DLG2: variants seen among roughly 807,000 people sequenced by gnomAD.
DLG2 encodes discs large MAGUK scaffold protein 2.
A neutral mutation model predicts 132.5 loss-of-function variants in DLG2; 45 were observed. The observed-to-expected ratio is 0.34, with a 90% CI of 0.27 to 0.44. DLG2 has a LOEUF of 0.44. DLG2 is among the 20% of genes least tolerant of loss of function. The pLI is 1.00. For synonymous variants in DLG2, 424 were observed against 419.6 expected (o/e 1.01, Z -0.13); for missense variants, 1,045 against 1,196.9 (o/e 0.87, Z 1.87).
At chr11:85,537,757 G>A (rs2075693813) in intron 3 of DLG2, among the ~76,000 whole-genome samples, 1 of 151,914 alleles carries the variant, frequency 6.6e-6, no homozygotes, top group Non-Finnish European at 1.5e-5. Context: ...AACCCACCAG[G>A]AGGAAGAAAC....
intron 4 of DLG2, among the ~76,000 whole-genome samples, chr11:85,208,567 T>C (rs888516077): frequency 6.6e-6 from 1 of 152,144 alleles, no homozygotes; most frequent in African/African-American, 2.4e-5. Flanking sequence ...GCCAGTCTTA[T>C]TATGTGTTCT....
intron 7 of DLG2, among the ~76,000 whole-genome samples, chr11:84,366,276 C>T (rs1391354869): frequency 6.6e-6 from 1 of 151,902 alleles, no homozygotes; most frequent in Non-Finnish European, 1.5e-5. Flanking sequence ...GAGATTTTGT[C>T]ACCACCAGGC....
intron 5 of DLG2, among the ~76,000 whole-genome samples, chr11:85,144,769 A>G (rs2076734809): frequency 6.6e-6 from 1 of 151,850 alleles, no homozygotes; most frequent in Non-Finnish European, 1.5e-5. Flanking sequence ...ATATATTTTT[A>G]TACTATCTAT....
At position 83,729,483 on chromosome 11, in the gene DLG2, A is replaced by C. The variant is rs1411801573; in HGVS notation, c.1825+57207T>G. ...GGTTAATCAAGTCTAATAATACAGG[A>C]ATTACTCTTCCTCAGCTGGGTACTT... is the stretch of plus-strand genomic sequence containing the variant. On this transcript the variant is annotated intron_variant, in intron 18 of 27. Transcript: ENST00000376104. Among the ~76,000 whole-genome samples, 6 of 152,226 alleles carry C rather than the reference A, an allele frequency of 3.9e-5. 1 individual carries two copies. Among genetic ancestry groups the C allele is most frequent in the Non-Finnish European group, 8.8e-5 (6 of 68,040 alleles).
chr11:84,489,740 C>T (rs761556282), intron 7 of DLG2, among the ~76,000 whole-genome samples: 4 of 152,050 alleles, frequency 2.6e-5, no homozygotes, highest in Non-Finnish European at 4.4e-5. Flanking sequence ...TGCAACATGA[C>T]CTTTAATGTT....
intron 6 of DLG2, chr11:84,545,181 G>C: frequency 2.2e-6 from 1 of 455,624 alleles, no homozygotes; most frequent in Non-Finnish European, 4.3e-6. Context: ...AACCACGAGA[G>C]CCTCCTTGGT....
intron 4 of DLG2, among the ~76,000 whole-genome samples, chr11:85,221,244 G>A (rs988372867): frequency 1.3e-5 from 2 of 151,766 alleles, no homozygotes; most frequent in East Asian, 1.9e-4. Flanking sequence ...GGGTTTCACC[G>A]CCAGGATGGT....
At chr11:84,067,554 C>A (rs994727263) in intron 10 of DLG2, among the ~76,000 whole-genome samples, 2 of 72,658 alleles carry the variant, frequency 2.8e-5, no homozygotes, top group African/African-American at 8.0e-5. Context: ...ATACACCCCC[C>A]ACCACACACA....
intron 21 of DLG2, among the ~76,000 whole-genome samples, chr11:83,528,320 T>C (rs1342924751): frequency 6.6e-6 from 1 of 152,180 alleles, no homozygotes; most frequent in Non-Finnish European, 1.5e-5. Flanking sequence ...CAAAATCCAA[T>C]AAGCTTCTAA....
At chr11:85,028,243 T>A (rs1169744955) in intron 6 of DLG2, among the ~76,000 whole-genome samples, 4 of 152,012 alleles carry the variant, frequency 2.6e-5, no homozygotes, top group African/African-American at 7.3e-5. Flanking sequence ...TCTGGCTGAG[T>A]CTGGGGTTTT....
chr11:84,494,782 AC>A (rs1271036961), intron 7 of DLG2, among the ~76,000 whole-genome samples: 1 of 152,166 alleles, frequency 6.6e-6, no homozygotes, highest in Non-Finnish European at 1.5e-5. Flanking sequence ...GATGAGGTGT[AC>A]AGAGGAATCC....
intron 7 of DLG2, among the ~76,000 whole-genome samples, chr11:84,418,158 T>C (rs2098936258): frequency 6.6e-6 from 1 of 152,204 alleles, no homozygotes; most frequent in African/African-American, 2.4e-5. Context: ...GGTGCTACCA[T>C]ACGGCAGCAC....
chr11:84,917,919 C>T (rs1264143530), intron 6 of DLG2, among the ~76,000 whole-genome samples: 1 of 152,092 alleles, frequency 6.6e-6, no homozygotes, highest in Non-Finnish European at 1.5e-5. Context: ...AACTGGAACC[C>T]TAAGAGGTAC....
chr11:85,473,448 C>A (rs1424014424), intron 3 of DLG2, among the ~76,000 whole-genome samples: 1 of 152,092 alleles, frequency 6.6e-6, no homozygotes, highest in African/African-American at 2.4e-5. Flanking sequence ...CAATGTTTAT[C>A]ATTAGCATAT....
At chr11:84,275,163 T>A (rs947697959) in intron 7 of DLG2, among the ~76,000 whole-genome samples, 12 of 152,218 alleles carry the variant, frequency 7.9e-5, no homozygotes, top group Admixed American at 7.9e-4. Context: ...CTCCTGTTTA[T>A]CAGGTTCCTT....
intron 24 of DLG2, 61 bp from the exon 25 acceptor site, chr11:83,469,434 C>T (rs951963137): frequency 1.6e-6 from 2 of 1,246,122 alleles, no homozygotes; most frequent in Non-Finnish European, 2.3e-6. Flanking sequence ...TTGCTTTACA[C>T]CTATATTCTC....
At chr11:83,733,872 T>G (rs1011519287) in intron 18 of DLG2, among the ~76,000 whole-genome samples, 5 of 152,158 alleles carry the variant, frequency 3.3e-5, no homozygotes, top group Non-Finnish European at 5.9e-5. Context: ...ATCACCCAAA[T>G]AGTGAATATT....
chr11:84,752,703 T>A (rs2153836201), intron 6 of DLG2, among the ~76,000 whole-genome samples: 1 of 137,612 alleles, frequency 7.3e-6, no homozygotes, highest in South Asian at 2.6e-4. Context: ...TATCTCCCAA[T>A]GCTATCCCTC....
At chr11:83,951,520 C>T (rs973807882) in intron 14 of DLG2, among the ~76,000 whole-genome samples, 2 of 152,120 alleles carry the variant, frequency 1.3e-5, no homozygotes, top group East Asian at 3.9e-4. Context: ...GATAAAATGG[C>T]TTTTGACCAG....
Sources: allele counts gnomAD v4.1 joint callset (sites outside exome capture counted in the v4.1 genomes callset), GRCh38; gene constraint gnomAD v4.1.1; transcripts MANE v1.5; gene names NCBI Gene and HGNC (gene_info 2026-07-23, HGNC 2026-07-21).